The following ADI1 variants were observed in gnomAD, a reference collection of about 807,000 sequenced individuals.
ADI1 encodes the protein acireductone dioxygenase.
In ADI1, 21 loss-of-function variants were observed where a neutral mutation model predicts 18.7. The observed-to-expected ratio is 1.13, with a 90% CI of 0.80 to 1.62. The LOEUF (loss-of-function observed/expected upper bound fraction) is 1.62, where lower values mean the gene tolerates loss of function less well. ADI1 is among the 40% of genes most tolerant of loss of function. The pLI is 0.00. For synonymous variants in ADI1, 90 were observed against 100.1 expected, an observed-to-expected ratio of 0.90 and a Z score of 0.60; for missense variants, 245 against 254.9, an observed-to-expected ratio of 0.96 and a Z score of 0.26.
In ADI1 at chr2:3,498,710, T is replaced by C. The variant is rs1666919590; in HGVS notation, c.*253A>G. The stretch of plus-strand genomic sequence containing the variant: ...AACTTTCATTTGGGACTCAACTGAA[T>C]GCATGAACTAACACAGGGCCATGGA... On this transcript the variant is annotated 3_prime_UTR_variant, in exon 4 of 4. Transcript: ENST00000327435. 9.7e-6 allele frequency: 4 copies of C among 412,438 alleles called. No homozygotes were observed. The highest frequency in any genetic ancestry group is 2.0e-5 in the African/African-American group (1 of 49,354). The allele number at this position is 412,438 out of a possible 1,614,324, so 25.5% of individuals were successfully genotyped here.
chr2:3,513,391 G>A (rs1667329981), intron 2 of ADI1, among the ~76,000 whole-genome samples: 1 of 152,166 alleles, frequency 6.6e-6, no homozygotes, highest in African/African-American at 2.4e-5. Flanking sequence ...ATATTGAAAT[G>A]TAATCCCCAG....
intron 3 of ADI1, chr2:3,500,604 G>A (rs1297063673): frequency 3.0e-6 from 2 of 661,278 alleles, no homozygotes; most frequent in South Asian, 1.9e-5. Flanking sequence ...AGGATCGCAG[G>A]CAGGGGCCAC....
chr2:3,504,780 G>T (rs115662826), intron 2 of ADI1, among the ~76,000 whole-genome samples: 1,699 of 151,958 alleles, frequency 0.011, 31 homozygotes, highest in African/African-American at 0.039. Context: ...GTTCACCTGT[G>T]TATGTTTGTA....
Position 3,513,001 on chromosome 2 carries a change from T to C in ADI1, c.240+856A>G, listed in dbSNP as rs540545896. Among the ~76,000 whole-genome samples, 3 of 152,270 alleles carry C rather than the reference T, an allele frequency of 2.0e-5. No individual in the cohort carries two copies. In the South Asian group the frequency reaches 6.2e-4, roughly 32 times the overall value. ...TGTGCCCTAGATGTGGGACATGGAG[T>C]CAAAGGGTATTATTTTGGAGCTTTA... is the stretch of plus-strand genomic sequence containing the variant. On this transcript the variant is annotated intron_variant, in intron 2 of 3. Coordinates refer to ENST00000327435, the MANE Select transcript of ADI1 (RefSeq NM_018269.4).
rs994222219 is a variant in ADI1, at chr2:3,515,992, T to C, written c.121-2016A>G. ...CCTATCCACTGCATGATATGCACAG[T>C]ACTATTTGCTATGGTCTGAATGTGT... On this transcript the variant is annotated intron_variant, in intron 1 of 3. Coordinates refer to ENST00000327435, the MANE Select transcript of ADI1 (RefSeq NM_018269.4). The C allele has an allele frequency of 5.3e-5, 52 of 985,162 alleles. No individual in the cohort carries two copies. The African/African-American group carries it at 8.4e-4, about 16-fold the overall frequency. The allele number at this position is 985,162 out of a possible 1,614,324, so 61.0% of individuals were successfully genotyped here.
intron 1 of ADI1, among the ~76,000 whole-genome samples, chr2:3,518,487 G>A (rs954280196): frequency 2.6e-5 from 4 of 152,220 alleles, no homozygotes; most frequent in Non-Finnish European, 4.4e-5. Context: ...CTGGACTGGT[G>A]CTGTGCAAGC....
At chr2:3,519,319 T>A in intron 1 of ADI1, 49 bp downstream of exon 1, 1 of 1,346,652 alleles carries the variant, frequency 7.4e-7, no homozygotes, top group Non-Finnish European at 9.5e-7. Context: ...TGCGCGGCGT[T>A]TGGGGGTCGG....
At chr2:3,504,221 C>T (rs923586613) in intron 2 of ADI1, among the ~76,000 whole-genome samples, 4 of 152,196 alleles carry the variant, frequency 2.6e-5, no homozygotes, top group African/African-American at 9.6e-5. Flanking sequence ...CGTAGGATTC[C>T]GCTACAAACA....
chr2:3,514,031 A>G, intron 1 of ADI1, 55 bp from the exon 2 acceptor site: 1 of 1,543,348 alleles, frequency 6.5e-7, no homozygotes, highest in Non-Finnish European at 8.7e-7. Context: ...GAGATGTAGA[A>G]ACATTCTCTT....
chr2:3,510,408 A>C (rs967872051), intron 2 of ADI1, among the ~76,000 whole-genome samples: 4 of 152,180 alleles, frequency 2.6e-5, no homozygotes, highest in Non-Finnish European at 5.9e-5. Context: ...ACTTAGAAAA[A>C]AGAGCAAATT....
chr2:3,501,862 T>C (rs905806461), intron 2 of ADI1, among the ~76,000 whole-genome samples: 1 of 152,198 alleles, frequency 6.6e-6, no homozygotes, highest in Non-Finnish European at 1.5e-5. Context: ...GTTTTCTTCC[T>C]AATATTTTAT....
At chr2:3,519,241 G>T (rs933717890) in intron 1 of ADI1, 127 bp downstream of exon 1, 1 of 1,267,428 alleles carries the variant, frequency 7.9e-7, no homozygotes, top group Non-Finnish European at 1.0e-6. Flanking sequence ...CCCAAATCCC[G>T]CTGCTGAGCA....
intron 2 of ADI1, among the ~76,000 whole-genome samples, chr2:3,511,227 C>T (rs1440385569): frequency 6.6e-6 from 1 of 152,240 alleles, no homozygotes; most frequent in Non-Finnish European, 1.5e-5. Flanking sequence ...CCCACTTTGC[C>T]TTCTGCCATG....
intron 1 of ADI1, chr2:3,514,777 A>G: frequency 6.5e-7 from 1 of 1,546,028 alleles, no homozygotes; most frequent in African/African-American, 1.4e-5. Context: ...ATGTTTTGCA[A>G]TAAACTGCAC....
At position 3,500,867 on chromosome 2, in the gene ADI1, C is replaced by G. The variant is rs767895013; in HGVS notation, c.367G>C (p.Asp123His). The stretch of plus-strand genomic sequence containing the variant: ...ATCCCCGCGGGGAGCGTCACCATGT[C>G]TCCCTTCTCCATGAAGATCCGGATC... ...QWIRIFMEKG[D>H]MVTLPAGIYH... is the part of the protein sequence containing the mutation. Residue 123 changes from aspartate (D) to histidine (H), a missense_variant, in exon 3 of 4, where the codon GAC becomes CAC. Asp to His is a moderately conservative substitution (Grantham distance 81). Transcript: ENST00000327435. The G allele has an allele frequency of 3.1e-6, 5 of 1,614,266 alleles. No individual in the cohort carries two copies. Among genetic ancestry groups the G allele is most frequent in the Non-Finnish European group, 2.5e-6 (3 of 1,180,050 alleles).
At chr2:3,514,110 C>G (rs367820970) in intron 1 of ADI1, 134 bp from the exon 2 acceptor site, 29 of 1,049,520 alleles carry the variant, frequency 2.8e-5, no homozygotes, top group Non-Finnish European at 3.9e-5. Context: ...TCAACTAACT[C>G]TCTTCATCTC....
rs568537574 is a variant in ADI1 at position 3,518,565 on chromosome 2, C to T, written c.120+803G>A. Reference sequence around the variant, plus strand: ...AGCGTTACAGAGGCAGGGCTGACACCGGGCCCAGCCGGGACCCAAGCCAGC... The same window carrying T: ...AGCGTTACAGAGGCAGGGCTGACACTGGGCCCAGCCGGGACCCAAGCCAGC... On this transcript the variant is annotated intron_variant, in intron 1 of 3. Transcript: ENST00000327435. Among the ~76,000 whole-genome samples the T allele has an allele frequency of 8.1e-4, 124 of 152,308 alleles. 1 individual carries two copies. Among genetic ancestry groups the T allele is most frequent in the African/African-American group, 2.7e-3 (113 of 41,578 alleles).
chr2:3,518,125 T>C (rs1000636982), intron 1 of ADI1, among the ~76,000 whole-genome samples: 3 of 152,180 alleles, frequency 2.0e-5, no homozygotes, highest in Non-Finnish European at 4.4e-5. Flanking sequence ...TTTGAAGAAG[T>C]ACCCTCCAGC....
chr2:3,517,488 G>A (rs1290349462), intron 1 of ADI1: 1 of 152,164 alleles, frequency 6.6e-6, no homozygotes, highest in South Asian at 2.1e-4. Context: ...CATATAGGCC[G>A]GGTGCGGTGG....
Sources: allele counts gnomAD v4.1 joint callset (sites outside exome capture counted in the v4.1 genomes callset), GRCh38; gene constraint gnomAD v4.1.1; transcripts MANE v1.5; gene names NCBI Gene and HGNC (gene_info 2026-07-23, HGNC 2026-07-21).